Variants in SLCO6A1 observed in about 807,000 individuals in gnomAD.
SLCO6A1 encodes the protein solute carrier organic anion transporter family member 6A1, also known as cancer/testis antigen 48.
A neutral mutation model predicts 72.7 loss-of-function variants in SLCO6A1; 65 were observed. The observed-to-expected ratio is 0.89, with a 90% CI of 0.73 to 1.10. The LOEUF (loss-of-function observed/expected upper bound fraction) is 1.10, where lower values mean the gene tolerates loss of function less well. SLCO6A1 is among the 50% of genes least tolerant of loss of function. The probability of loss-of-function intolerance (pLI) is 0.00; values close to 1 mark genes in which losing one functional copy is unlikely to be tolerated. For synonymous variants in SLCO6A1, 314 were observed against 298.2 expected (o/e 1.05, Z -0.55); for missense variants, 874 against 872.6 (o/e 1.00, Z -0.02).
At chr5:102,497,244 TAAC>T (rs1490308957) in intron 1 of SLCO6A1, among the ~76,000 whole-genome samples, 1 of 152,118 alleles carries the variant, frequency 6.6e-6, no homozygotes, top group Non-Finnish European at 1.5e-5. Context: ...TGGGCAAAAA[TAAC>T]AACCTCAAGT....
intron 7 of SLCO6A1, among the ~76,000 whole-genome samples, chr5:102,420,900 A>T (rs533928210): frequency 7.2e-5 from 11 of 152,266 alleles, no homozygotes; most frequent in African/African-American, 2.6e-4. Flanking sequence ...TGATTTCGGC[A>T]TTTCCAACTG....
chr5:102,418,434 C>T (rs1748412647), intron 8 of SLCO6A1, among the ~76,000 whole-genome samples: 1 of 151,986 alleles, frequency 6.6e-6, no homozygotes, highest in East Asian at 1.9e-4. Flanking sequence ...TCTCCAGATG[C>T]CCTCCTTTGG....
intron 7 of SLCO6A1, among the ~76,000 whole-genome samples, chr5:102,435,867 C>T (rs981694093): frequency 2.7e-5 from 4 of 149,098 alleles, no homozygotes; most frequent in African/African-American, 9.9e-5. Flanking sequence ...AAGAGTGAAA[C>T]TCCATCTCAA....
chr5:102,487,084 A>C (rs1259086602), intron 1 of SLCO6A1, among the ~76,000 whole-genome samples: 1 of 152,190 alleles, frequency 6.6e-6, no homozygotes, highest in Admixed American at 6.5e-5. Flanking sequence ...GTGAATATAA[A>C]AATTTGGAAT....
At chr5:102,445,518 G>A (rs1218396276) in intron 6 of SLCO6A1, among the ~76,000 whole-genome samples, 4 of 152,140 alleles carry the variant, frequency 2.6e-5, no homozygotes, top group Admixed American at 2.6e-4. Context: ...CTCCTATTCT[G>A]TAGGTTGTCT....
intron 6 of SLCO6A1, among the ~76,000 whole-genome samples, chr5:102,445,251 A>C (rs1294566219): frequency 6.6e-6 from 1 of 152,066 alleles, no homozygotes; most frequent in East Asian, 1.9e-4. Flanking sequence ...CCACTTTTTA[A>C]AATAGCCATT....
At chr5:102,469,793 G>T (rs962216019) in intron 4 of SLCO6A1, among the ~76,000 whole-genome samples, 25 of 151,992 alleles carry the variant, frequency 1.6e-4, no homozygotes, top group Non-Finnish European at 1.5e-4. Flanking sequence ...TTGGCTGTGG[G>T]TTTGTCATAA....
chr5:102,384,832 T>C (rs1309222138), intron 12 of SLCO6A1, among the ~76,000 whole-genome samples: 1 of 152,154 alleles, frequency 6.6e-6, no homozygotes, highest in Non-Finnish European at 1.5e-5. Flanking sequence ...TATGTTTTCA[T>C]GTGGTTAGTT....
chr5:102,448,289 G>A (rs1750226483), intron 6 of SLCO6A1, among the ~76,000 whole-genome samples: 1 of 152,196 alleles, frequency 6.6e-6, no homozygotes, highest in Non-Finnish European at 1.5e-5. Context: ...CTTTATGGCT[G>A]ATTGCGTGGT....
intron 7 of SLCO6A1, among the ~76,000 whole-genome samples, chr5:102,427,344 T>C (rs1264190971): frequency 1.3e-5 from 2 of 152,094 alleles, no homozygotes; most frequent in Non-Finnish European, 2.9e-5. Context: ...TGGCAAATGC[T>C]ACCTCAGCCA....
At chr5:102,478,088 A>G (rs1752005163) in intron 2 of SLCO6A1, among the ~76,000 whole-genome samples, 1 of 152,142 alleles carries the variant, frequency 6.6e-6, no homozygotes, top group Non-Finnish European at 1.5e-5. Context: ...CTGTAGTACC[A>G]GCTACTAGGA....
rs1447399274 is a variant in SLCO6A1 at position 102,459,638 on chromosome 5, A to C, written c.1021+18T>G. 6.4e-7 allele frequency: 1 copy of C among 1,570,582 alleles called. No homozygotes were observed. Among genetic ancestry groups the C allele is most frequent in the South Asian group, 1.2e-5 (1 of 83,942 alleles). The stretch of plus-strand genomic sequence containing the variant: ...AAACTACTATCCTCCAATTTAATAA[A>C]TTACATTTTATAGTCACCTGGCATA... On this transcript the variant is annotated intron_variant, in intron 5 of 13. Transcript: ENST00000506729.
At chr5:102,427,840 G>GTGTATATA (rs1748980248) in intron 7 of SLCO6A1, among the ~76,000 whole-genome samples, 5 of 102,748 alleles carry the variant, frequency 4.9e-5, no homozygotes, top group Non-Finnish European at 1.0e-4. Flanking sequence ...GTGTGTGTAT[G>GTGTATATA]TATACATATA....
intron 7 of SLCO6A1, among the ~76,000 whole-genome samples, chr5:102,430,111 G>C (rs769902606): frequency 3.3e-5 from 5 of 152,084 alleles, no homozygotes; most frequent in Non-Finnish European, 7.4e-5. Context: ...GCTGGCTGTT[G>C]TTGGTGTATA....
chr5:102,479,886 T>C (rs903942806), intron 2 of SLCO6A1, among the ~76,000 whole-genome samples: 8 of 152,164 alleles, frequency 5.3e-5, no homozygotes, highest in Non-Finnish European at 1.2e-4. Flanking sequence ...AAATTCAAGT[T>C]GTTTGTTTCC....
At chr5:102,459,623 C>A (rs371649405) in intron 5 of SLCO6A1, 33 bp downstream of exon 5, 19 of 1,552,706 alleles carry the variant, frequency 1.2e-5, no homozygotes, top group Middle Eastern at 1.7e-4. Flanking sequence ...AAACTACTAT[C>A]CTCCAATTTA....
At chr5:102,452,870 T>C (rs1051359658) in intron 6 of SLCO6A1, among the ~76,000 whole-genome samples, 1 of 152,230 alleles carries the variant, frequency 6.6e-6, no homozygotes, top group African/African-American at 2.4e-5. Flanking sequence ...AATGATTTTC[T>C]AGTTGTCCTT....
At chr5:102,436,908 G>A (rs1749566786) in intron 7 of SLCO6A1, among the ~76,000 whole-genome samples, 1 of 152,098 alleles carries the variant, frequency 6.6e-6, no homozygotes, top group South Asian at 2.1e-4. Context: ...AGCCTTACTT[G>A]TCAAATGGAA....
At chr5:102,497,776 G>A (rs1752972420) in intron 1 of SLCO6A1, among the ~76,000 whole-genome samples, 1 of 152,130 alleles carries the variant, frequency 6.6e-6, no homozygotes, top group Non-Finnish European at 1.5e-5. Context: ...GCTCTTTTCT[G>A]AAAAGATCCC....
Sources: allele counts gnomAD v4.1 joint callset (sites outside exome capture counted in the v4.1 genomes callset), GRCh38; gene constraint gnomAD v4.1.1; transcripts MANE v1.5; gene names NCBI Gene and HGNC (gene_info 2026-07-23, HGNC 2026-07-21).